The following SIPA1L1 variants were observed in gnomAD, a reference collection of about 807,000 sequenced individuals.
SIPA1L1 encodes signal-induced proliferation-associated 1-like protein 1.
SIPA1L1 carries 26 observed loss-of-function variants against 162.7 expected under a neutral mutation model. The ratio of observed to expected loss-of-function variants is 0.16; its 90% confidence interval spans 0.12 to 0.22. The LOEUF (loss-of-function observed/expected upper bound fraction) is 0.22. Ranked by LOEUF, SIPA1L1 falls within the 10% of genes least tolerant of loss-of-function variation. SIPA1L1 has a pLI of 1.00. For missense variants in SIPA1L1, 1,874 were observed against 2,241.0 expected, an observed-to-expected ratio of 0.84 and a Z score of 3.31; for synonymous variants, 829 against 837.4, an observed-to-expected ratio of 0.99 and a Z score of 0.17.
chr14:71,554,114 C>G (rs1319123289), intron 4 of SIPA1L1, among the ~76,000 whole-genome samples: 1 of 152,092 alleles, frequency 6.6e-6, no homozygotes, highest in South Asian at 2.1e-4. Context: ...GAACATGGTA[C>G]TGATACGTTA....
chr14:71,432,759 ATGTT>A (rs533925652), intron 2 of SIPA1L1, among the ~76,000 whole-genome samples: 2 of 152,242 alleles, frequency 1.3e-5, no homozygotes, highest in East Asian at 1.9e-4. Flanking sequence ...AATCAAATGA[ATGTT>A]TGATTGTACA....
chr14:71,339,426 G>T (rs147847487), intron 2 of SIPA1L1, among the ~76,000 whole-genome samples: 7 of 150,746 alleles, frequency 4.6e-5, no homozygotes, highest in African/African-American at 1.7e-4. Context: ...GCAGTGGCAT[G>T]ATCTCGGCTC....
intron 20 of SIPA1L1, 37 bp downstream of exon 20, chr14:71,730,338 TTGA>T (rs549301258): frequency 5.0e-4 from 800 of 1,608,072 alleles, no homozygotes; most frequent in Non-Finnish European, 5.7e-4. Flanking sequence ...GATGGCCCTG[TTGA>T]TGATGGTCAG....
intron 3 of SIPA1L1, among the ~76,000 whole-genome samples, chr14:71,518,906 A>C (rs553972615): frequency 6.6e-6 from 1 of 152,188 alleles, no homozygotes; most frequent in Non-Finnish European, 1.5e-5. Context: ...CACTTCTTAC[A>C]TGGCGGCGGC....
At chr14:71,543,020 G>A (rs1596000190) in intron 4 of SIPA1L1, among the ~76,000 whole-genome samples, 5 of 151,954 alleles carry the variant, frequency 3.3e-5, no homozygotes, top group Admixed American at 3.3e-4. Flanking sequence ...TTCTCTAATT[G>A]TGTCATTGCA....
chr14:71,422,843 A>G (rs925176216), intron 2 of SIPA1L1, among the ~76,000 whole-genome samples: 2 of 152,226 alleles, frequency 1.3e-5, no homozygotes, highest in African/African-American at 2.4e-5. Context: ...GTAAATACCC[A>G]GAAGTAGAAT....
intron 7 of SIPA1L1, among the ~76,000 whole-genome samples, chr14:71,648,677 A>C (rs1261512930): frequency 1.3e-5 from 2 of 152,226 alleles, no homozygotes; most frequent in East Asian, 3.8e-4. Flanking sequence ...TCACACAAAG[A>C]TGAATAAATT....
chr14:71,727,211 G>T (rs2084324661), intron 19 of SIPA1L1, among the ~76,000 whole-genome samples: 1 of 152,104 alleles, frequency 6.6e-6, no homozygotes, highest in Non-Finnish European at 1.5e-5. Flanking sequence ...AGTGCTCTCA[G>T]GTATATACCA....
chr14:71,415,443 G>C (rs1566992970), intron 2 of SIPA1L1, among the ~76,000 whole-genome samples: 1 of 152,112 alleles, frequency 6.6e-6, no homozygotes, highest in South Asian at 2.1e-4. Context: ...CTGAAAAACT[G>C]TCTTTGAAAA....
chr14:71,537,698 CTTT>C (rs938082111), intron 4 of SIPA1L1, among the ~76,000 whole-genome samples: 1 of 147,324 alleles, frequency 6.8e-6, no homozygotes, highest in Admixed American at 6.8e-5. Context: ...CTCTCTCTCT[CTTT>C]TTTTTTTTCT....
intron 4 of SIPA1L1, among the ~76,000 whole-genome samples, chr14:71,547,934 C>T (rs977334540): frequency 6.6e-6 from 1 of 152,174 alleles, no homozygotes. Flanking sequence ...GTCCCAACTA[C>T]TTGGGAGGCT....
chr14:71,610,152 C>T (rs2038039855), intron 5 of SIPA1L1, among the ~76,000 whole-genome samples: 2 of 152,130 alleles, frequency 1.3e-5, no homozygotes, highest in African/African-American at 4.8e-5. Context: ...GTGTCAAAGT[C>T]ACATGTACAA....
intron 7 of SIPA1L1, among the ~76,000 whole-genome samples, chr14:71,625,302 C>CTT (rs550881711): frequency 1.8e-4 from 26 of 142,646 alleles, no homozygotes; most frequent in Middle Eastern, 3.6e-3. Context: ...TCTCTCTTCT[C>CTT]TTTTTTTTTT....
chr14:71,476,203 T>C (rs1595664602), intron 2 of SIPA1L1, among the ~76,000 whole-genome samples: 1 of 152,242 alleles, frequency 6.6e-6, no homozygotes. Flanking sequence ...ATGAAGGAGG[T>C]ATGTATAACC....
At chr14:71,411,673 C>T (rs1442905637) in intron 2 of SIPA1L1, among the ~76,000 whole-genome samples, 1 of 152,214 alleles carries the variant, frequency 6.6e-6, no homozygotes, top group African/African-American at 2.4e-5. Context: ...GGAGTCCTGC[C>T]TCTGGCACAG....
At chr14:71,595,426 T>C (rs1445321117) in intron 5 of SIPA1L1, among the ~76,000 whole-genome samples, 1 of 152,236 alleles carries the variant, frequency 6.6e-6, no homozygotes, top group Admixed American at 6.5e-5. Context: ...ACTGTATGTC[T>C]AGTTTTACTT....
chr14:71,583,093 C>G (rs1274218176), intron 4 of SIPA1L1, among the ~76,000 whole-genome samples: 1 of 152,174 alleles, frequency 6.6e-6, no homozygotes, highest in East Asian at 1.9e-4. Context: ...TTATTACATT[C>G]TGAAGTAAGA....
In SIPA1L1 at chr14:71,321,413, A is replaced by G. The variant is rs1002097622; in HGVS notation, c.-465+232A>G. 5.9e-5 allele frequency: 9 copies of G among 152,346 alleles called. No homozygotes were observed. In the East Asian group the frequency reaches 1.7e-3, roughly 30 times the overall value. 9.4% of individuals were successfully genotyped at this position (152,346 alleles called of 1,614,324 possible). On this transcript the variant is annotated intron_variant, in intron 2 of 23. Coordinates refer to ENST00000381232, the MANE Select transcript of SIPA1L1 (RefSeq NM_001386936.1). ...CACGCACCCCAGAACCCGAATCTGC[A>G]CAACTACTGGGCAGGCGTCTCTGCG...
intron 2 of SIPA1L1, among the ~76,000 whole-genome samples, chr14:71,462,536 G>A (rs949780892): frequency 6.6e-6 from 1 of 152,166 alleles, no homozygotes; most frequent in Non-Finnish European, 1.5e-5. Context: ...CCTCTTTCTT[G>A]GTTGTAGGAG....
Sources: gnomAD v4.1 joint callset for allele counts (sites outside exome capture counted in the v4.1 genomes callset) on GRCh38, gnomAD v4.1.1 for gene constraint, MANE v1.5 for transcripts, NCBI Gene and HGNC (gene_info 2026-07-23, HGNC 2026-07-21) for gene names.